Variants in NTRK2 observed in about 807,000 individuals in gnomAD.
NTRK2 encodes BDNF/NT-3 growth factors receptor.
A neutral mutation model predicts 94.5 loss-of-function variants in NTRK2; 13 were observed. The observed-to-expected ratio is 0.14, with a 90% confidence interval of 0.09 to 0.22. The LOEUF is 0.22. NTRK2 is among the 10% of genes least tolerant of loss of function. The pLI is 1.00. For missense variants in NTRK2, 639 were observed against 1,071.2 expected, an observed-to-expected ratio of 0.60 and a Z score of 5.63; for synonymous variants, 372 against 407.4, an observed-to-expected ratio of 0.91 and a Z score of 1.05.
intron 12 of NTRK2, among the ~76,000 whole-genome samples, chr9:84,798,273 C>G (rs896851895): frequency 6.6e-6 from 1 of 152,052 alleles, no homozygotes; most frequent in Non-Finnish European, 1.5e-5. Flanking sequence ...AGTTATTATA[C>G]CTCCCAAATG....
At chr9:84,818,021 A>T (rs1274678710) in intron 12 of NTRK2, among the ~76,000 whole-genome samples, 4 of 152,188 alleles carry the variant, frequency 2.6e-5, no homozygotes, top group African/African-American at 9.7e-5. Context: ...TACATCCTTT[A>T]GTGAGCTCTA....
intron 14 of NTRK2, among the ~76,000 whole-genome samples, chr9:84,881,347 C>T (rs1271735038): frequency 6.6e-6 from 1 of 152,132 alleles, no homozygotes; most frequent in East Asian, 1.9e-4. Flanking sequence ...TCGTATGTCT[C>T]TGTTGGATGA....
At chr9:84,833,174 A>G (rs997138734) in intron 12 of NTRK2, among the ~76,000 whole-genome samples, 1 of 152,100 alleles carries the variant, frequency 6.6e-6, no homozygotes, top group Non-Finnish European at 1.5e-5. Context: ...CAGGGTTCTG[A>G]TGCACACTAA....
chr9:84,856,061 CAGTT>C (rs1164899228), intron 12 of NTRK2, among the ~76,000 whole-genome samples: 1 of 152,172 alleles, frequency 6.6e-6, no homozygotes, highest in African/African-American at 2.4e-5. Context: ...TTTCAGAGAA[CAGTT>C]AGGAGGTTCA....
At chr9:84,866,840 A>G (rs932016701) in intron 13 of NTRK2, among the ~76,000 whole-genome samples, 8 of 152,240 alleles carry the variant, frequency 5.3e-5, no homozygotes, top group African/African-American at 1.9e-4. Flanking sequence ...GAATGGATAA[A>G]TAACATGCAA....
chr9:84,893,810 T>G (rs1015284465), intron 14 of NTRK2, among the ~76,000 whole-genome samples: 1 of 152,204 alleles, frequency 6.6e-6, no homozygotes, highest in Non-Finnish European at 1.5e-5. Flanking sequence ...CTGCCTTCAA[T>G]GTAGTAAAAG....
rs761362019 is a variant in NTRK2, at chr9:84,934,142, A to G, written c.1634-20A>G. On this transcript the variant is annotated intron_variant, in intron 14 of 18. Coordinates refer to ENST00000277120, the MANE Select transcript of NTRK2 (RefSeq NM_006180.6). ...TCCACATGCTTCAATTCCAATTTCC[A>G]TTCTGTCTTTGTTTTGCAGTTGTTC... 4 of 1,613,346 alleles carry G rather than the reference A, an allele frequency of 2.5e-6. No homozygotes were observed. Among genetic ancestry groups the G allele is most frequent in the South Asian group, 1.1e-5 (1 of 91,058 alleles).
At chr9:84,913,301 C>T (rs1279488507) in intron 14 of NTRK2, among the ~76,000 whole-genome samples, 1 of 152,088 alleles carries the variant, frequency 6.6e-6, no homozygotes, top group Non-Finnish European at 1.5e-5. Context: ...CTGTTTTTGA[C>T]ATGTTACCAG....
chr9:84,898,054 C>T (rs1332712417), intron 14 of NTRK2, among the ~76,000 whole-genome samples: 1 of 148,668 alleles, frequency 6.7e-6, no homozygotes. Context: ...TCTTATCTGC[C>T]ACTGTTTTTT....
In NTRK2 at chr9:84,776,016, C is replaced by T. The variant is rs151264023; in HGVS notation, c.1396+23931C>T. On this transcript the variant is annotated intron_variant, in intron 12 of 18. Transcript: ENST00000277120. ...ATATCTTTGACAGAGTGCAACAGCT[C>T]TGCACTTTTCATCTTAGAAACTTCA... 1.2e-4 allele frequency among the ~76,000 whole-genome samples: 18 copies of T among 152,238 alleles called. No homozygotes were observed. In the East Asian group the frequency reaches 3.5e-3, roughly 29 times the overall value.
intron 14 of NTRK2, among the ~76,000 whole-genome samples, chr9:84,924,089 G>C (rs1402251638): frequency 1.3e-5 from 2 of 152,064 alleles, no homozygotes; most frequent in African/African-American, 4.8e-5. Context: ...GCACGCATCT[G>C]TAGTCCCAGC....
chr9:84,759,192 T>A (rs1259654633), intron 12 of NTRK2, among the ~76,000 whole-genome samples: 1 of 152,258 alleles, frequency 6.6e-6, no homozygotes, highest in Non-Finnish European at 1.5e-5. Context: ...TTCTGTTGTT[T>A]GGCGATGCTA....
intron 17 of NTRK2, among the ~76,000 whole-genome samples, chr9:84,995,346 T>C (rs1160458236): frequency 6.6e-6 from 1 of 152,206 alleles, no homozygotes; most frequent in Non-Finnish European, 1.5e-5. Flanking sequence ...AAAAAACACT[T>C]TTTATCCCTT....
intron 2 of NTRK2, among the ~76,000 whole-genome samples, chr9:84,687,110 C>T (rs772153707): frequency 3.1e-4 from 47 of 152,068 alleles, no homozygotes; most frequent in Admixed American, 7.2e-4. Context: ...GACAGGGTTT[C>T]GCCCTGTTGC....
At chr9:84,785,104 T>C (rs2067990759) in intron 12 of NTRK2, among the ~76,000 whole-genome samples, 1 of 152,104 alleles carries the variant, frequency 6.6e-6, no homozygotes, top group Non-Finnish European at 1.5e-5. Context: ...GAAAGCACCT[T>C]CTTTATCCTC....
At chr9:84,876,621 A>G (rs1481887546) in intron 14 of NTRK2, 1 of 1,058,444 alleles carries the variant, frequency 9.4e-7, no homozygotes, top group Non-Finnish European at 1.1e-6. Context: ...CATAAACATC[A>G]ATATCTTTAC....
intron 12 of NTRK2, among the ~76,000 whole-genome samples, chr9:84,846,260 G>A (rs755210901): frequency 2.0e-5 from 3 of 152,138 alleles, no homozygotes; most frequent in African/African-American, 4.8e-5. Flanking sequence ...ACATATTTTC[G>A]TATTATAGTT....
rs77111888 is a variant in NTRK2, at chr9:84,713,368, G to A, written c.583+2577G>A. Among the ~76,000 whole-genome samples the A allele has an allele frequency of 5.4e-3, 820 of 152,066 alleles. 11 individuals carry two copies. Among genetic ancestry groups the A allele is most frequent in the African/African-American group, 0.019 (783 of 41,488 alleles). On this transcript the variant is annotated intron_variant, in intron 6 of 18. Coordinates refer to ENST00000277120, the MANE Select transcript of NTRK2 (RefSeq NM_006180.6). ...GCACAAATTTAAATATGTATTTTCT[G>A]CATAGAGATAACCACCAATAAGGCA...
chr9:84,705,382 A>C (rs1281399224), intron 4 of NTRK2, among the ~76,000 whole-genome samples: 5 of 152,256 alleles, frequency 3.3e-5, no homozygotes, highest in African/African-American at 1.2e-4. Flanking sequence ...TCCCTTGCAA[A>C]GCTCTATAAT....
Sources: allele counts gnomAD v4.1 joint callset (sites outside exome capture counted in the v4.1 genomes callset), GRCh38; gene constraint gnomAD v4.1.1; transcripts MANE v1.5; gene names NCBI Gene and HGNC (gene_info 2026-07-23, HGNC 2026-07-21).